Variants in DNAH8 observed in about 807,000 individuals in gnomAD.
DNAH8 encodes dynein axonemal heavy chain 8.
A neutral mutation model predicts 562.1 loss-of-function variants in DNAH8; 382 were observed. The ratio of observed to expected loss-of-function variants is 0.68; its 90% CI spans 0.63 to 0.74. DNAH8 has a LOEUF of 0.74. Among genes scored for constraint, DNAH8 ranks in the 30% least tolerant of loss-of-function variants. The probability of loss-of-function intolerance (pLI) is 0.00; values close to 1 mark genes in which losing one functional copy is unlikely to be tolerated. For synonymous variants in DNAH8, 1,881 were observed against 1,919.4 expected (o/e 0.98, Z 0.52); for missense variants, 5,203 against 5,620.4 (o/e 0.93, Z 2.37).
intron 27 of DNAH8, 139 bp from the exon 28 acceptor site, chr6:38,823,423 C>T (rs978394652): frequency 7.9e-6 from 5 of 632,852 alleles, no homozygotes; most frequent in Non-Finnish European, 1.1e-5. Flanking sequence ...TCCTGGTGGA[C>T]ACCCTATTTC....
At chr6:38,883,848 A>G (rs775868553) in intron 55 of DNAH8, 28 bp from the exon 56 acceptor site, 6 of 1,515,930 alleles carry the variant, frequency 4.0e-6, no homozygotes, top group South Asian at 2.8e-5. Context: ...AATCTAATGC[A>G]TAAGACAAAA....
At chr6:38,838,773 C>T (rs1045267879) in intron 33 of DNAH8, among the ~76,000 whole-genome samples, 7 of 152,110 alleles carry the variant, frequency 4.6e-5, no homozygotes, top group East Asian at 3.9e-4. Context: ...TTGAGATTGA[C>T]GTCCAAATAA....
rs370701466 is a variant in DNAH8 at position 38,746,683 on chromosome 6, CT to C, written c.1294-3790del. Among the ~76,000 whole-genome samples the C allele has an allele frequency of 4.6e-3, 695 of 152,202 alleles. 6 individuals carry two copies. The highest frequency in any genetic ancestry group is 0.016 in the African/African-American group (645 of 41,542). On this transcript the variant is annotated intron_variant, in intron 8 of 92. Transcript: ENST00000327475. ...GTGGCTCACGCCTGTAATCCCAGCACTTTGGGAGGCCGAGGTGGGTGGATCA... is the reference window on the plus strand; with the variant it reads ...GTGGCTCACGCCTGTAATCCCAGCACTTGGGAGGCCGAGGTGGGTGGATCA...
At chr6:38,846,723 T>C (rs1264153632) in intron 36 of DNAH8, among the ~76,000 whole-genome samples, 2 of 152,156 alleles carry the variant, frequency 1.3e-5, no homozygotes, top group Non-Finnish European at 2.9e-5. Flanking sequence ...TCATTGCAAA[T>C]TTTGCCCATC....
At chr6:38,920,469 T>A (rs1380478452) in intron 70 of DNAH8, among the ~76,000 whole-genome samples, 1 of 152,204 alleles carries the variant, frequency 6.6e-6, no homozygotes, top group African/African-American at 2.4e-5. Flanking sequence ...AGGAAGCAGA[T>A]CATTACCACA....
chr6:38,807,862 C>T, intron 24 of DNAH8, 146 bp downstream of exon 24: 1 of 401,990 alleles, frequency 2.5e-6, no homozygotes, highest in Non-Finnish European at 4.2e-6. Context: ...TGTAATACTG[C>T]AAGAACTGTA....
intron 57 of DNAH8, among the ~76,000 whole-genome samples, chr6:38,887,833 CTTTT>C (rs538279493): frequency 4.1e-5 from 5 of 120,860 alleles, no homozygotes; most frequent in Admixed American, 9.5e-5. Flanking sequence ...AAAGGGCAGA[CTTTT>C]TTTTTTTTTT....
chr6:38,889,589 A>G (rs758604580), intron 57 of DNAH8, among the ~76,000 whole-genome samples: 2 of 152,188 alleles, frequency 1.3e-5, no homozygotes, highest in African/African-American at 4.8e-5. Context: ...ACCAACCAGA[A>G]ACTGAGCCTC....
chr6:39,006,207 A>T (rs1458100235), intron 88 of DNAH8, among the ~76,000 whole-genome samples: 1 of 152,236 alleles, frequency 6.6e-6, no homozygotes, highest in Non-Finnish European at 1.5e-5. Flanking sequence ...CACCTACAGA[A>T]CTGTAAAATA....
At chr6:38,750,359 T>G (rs1006513062) in intron 8 of DNAH8, 117 bp from the exon 9 acceptor site, 2 of 559,958 alleles carry the variant, frequency 3.6e-6, no homozygotes, top group Admixed American at 3.5e-5. Context: ...TTAATCACAC[T>G]TAAATATCTA....
intron 87 of DNAH8, 75 bp downstream of exon 87, chr6:38,984,382 C>T (rs1258369606): frequency 1.1e-6 from 1 of 887,690 alleles, no homozygotes; most frequent in African/African-American, 1.7e-5. Flanking sequence ...TGTAATAGGT[C>T]TGCCAAACTC....
At chr6:38,960,023 A>G (rs1762504710) in intron 82 of DNAH8, among the ~76,000 whole-genome samples, 1 of 152,058 alleles carries the variant, frequency 6.6e-6, no homozygotes, top group Non-Finnish European at 1.5e-5. Context: ...GGAAAGATCA[A>G]TCTTTTCAAT....
At chr6:39,021,284 T>G (rs1298546939) in intron 91 of DNAH8, among the ~76,000 whole-genome samples, 1 of 152,194 alleles carries the variant, frequency 6.6e-6, no homozygotes, top group Non-Finnish European at 1.5e-5. Context: ...ATGCAGAATT[T>G]CAGGCCCCAC....
chr6:38,907,810 G>A, intron 63 of DNAH8, 146 bp from the exon 64 acceptor site: 2 of 643,582 alleles, frequency 3.1e-6, no homozygotes, highest in South Asian at 7.1e-5. Flanking sequence ...ATCATCTCTG[G>A]CAAATCAGGG....
intron 15 of DNAH8, among the ~76,000 whole-genome samples, 179 bp downstream of exon 15, chr6:38,780,244 G>A (rs1429027138): frequency 2.0e-5 from 3 of 152,228 alleles, no homozygotes; most frequent in Non-Finnish European, 4.4e-5. Flanking sequence ...TGGACAGCCA[G>A]ATTTACTCCT....
intron 92 of DNAH8, among the ~76,000 whole-genome samples, chr6:39,027,285 G>T (rs968402864): frequency 6.6e-6 from 1 of 152,134 alleles, no homozygotes; most frequent in African/African-American, 2.4e-5. Context: ...AGCTACTGCT[G>T]TGGGCTACTC....
intron 26 of DNAH8, among the ~76,000 whole-genome samples, chr6:38,816,508 T>C (rs1772289187): frequency 6.6e-6 from 1 of 152,186 alleles, no homozygotes; most frequent in Non-Finnish European, 1.5e-5. Flanking sequence ...TTGGGTTGAT[T>C]CCATGTCTGC....
chr6:38,717,882 C>G (rs1444590490), intron 1 of DNAH8, among the ~76,000 whole-genome samples: 2 of 151,730 alleles, frequency 1.3e-5, no homozygotes, highest in Non-Finnish European at 2.9e-5. Context: ...TGCTGAGAAA[C>G]AAAAAAATGC....
chr6:38,809,364 G>A (rs945093499), intron 24 of DNAH8, among the ~76,000 whole-genome samples: 4 of 152,090 alleles, frequency 2.6e-5, no homozygotes, highest in Non-Finnish European at 5.9e-5. Context: ...AACTTTTGTA[G>A]TTTTGACCTT....
Sources: gnomAD v4.1 joint callset for allele counts (sites outside exome capture counted in the v4.1 genomes callset) on GRCh38, gnomAD v4.1.1 for gene constraint, MANE v1.5 for transcripts, NCBI Gene and HGNC (gene_info 2026-07-23, HGNC 2026-07-21) for gene names.